CHMP4C: variants seen among roughly 807,000 people sequenced by gnomAD.
CHMP4C encodes the protein SNF7 homolog associated with Alix 3.
Under a neutral mutation model 29.0 loss-of-function variants are expected in CHMP4C, and 28 were observed. The ratio of observed to expected loss-of-function variants is 0.97; its 90% CI spans 0.72 to 1.32. The LOEUF (loss-of-function observed/expected upper bound fraction) is 1.32. CHMP4C is among the 40% of genes most tolerant of loss of function. CHMP4C has a pLI of 0.00. For missense variants in CHMP4C, 291 were observed against 281.0 expected (o/e 1.04, Z -0.25); for synonymous variants, 106 against 102.4 (o/e 1.04, Z -0.21).
rs1554592476 is a variant in CHMP4C at position 81,739,425 on chromosome 8, G to GT, written c.190+6609_190+6610insT. 1.0e-4 allele frequency among the ~76,000 whole-genome samples: 14 copies of GT among 140,270 alleles called. No homozygotes were observed. The South Asian group carries it at 3.4e-3, about 34-fold the overall frequency. The allele number at this position is 140,270 out of a possible 152,430, so 92.0% of individuals were successfully genotyped here. A position where few individuals can be genotyped will look rare whatever the true frequency, so the allele number is the denominator to read the frequency against. ...CTAAGGCCTGGGGGATTGTGGGGGG[G>GT]GGTGGAAAAAAAAAAAGTCTTATCC... On this transcript the variant is annotated intron_variant, in intron 1 of 4. Transcript: ENST00000297265.
intron 1 of CHMP4C, among the ~76,000 whole-genome samples, chr8:81,737,912 C>T (rs1472907898): frequency 6.6e-6 from 1 of 152,248 alleles, no homozygotes; most frequent in Admixed American, 6.5e-5. Context: ...TCTACTTCAT[C>T]TGTCCTCTGA....
intron 3 of CHMP4C, among the ~76,000 whole-genome samples, chr8:81,756,717 A>G (rs1185438648): frequency 1.3e-5 from 2 of 152,186 alleles, no homozygotes; most frequent in Non-Finnish European, 2.9e-5. Context: ...TAAAGAAAAC[A>G]TTAATATGTT....
intron 3 of CHMP4C, among the ~76,000 whole-genome samples, chr8:81,755,839 G>A (rs17633897): frequency 0.076 from 11,540 of 152,188 alleles, 556 homozygotes; most frequent in South Asian, 0.13. Flanking sequence ...TGAAACAGAC[G>A]TATCATGCTC....
intron 1 of CHMP4C, among the ~76,000 whole-genome samples, chr8:81,745,492 C>T (rs1287493763): frequency 6.6e-6 from 1 of 152,174 alleles, no homozygotes; most frequent in African/African-American, 2.4e-5. Context: ...CCAAAATGTC[C>T]TATACATTAC....
At chr8:81,738,293 A>G (rs934588618) in intron 1 of CHMP4C, among the ~76,000 whole-genome samples, 2 of 152,170 alleles carry the variant, frequency 1.3e-5, no homozygotes, top group African/African-American at 4.8e-5. Context: ...CCCCTACTCA[A>G]TATCATTACA....
At chr8:81,743,937 C>T (rs1808793636) in intron 1 of CHMP4C, among the ~76,000 whole-genome samples, 1 of 152,198 alleles carries the variant, frequency 6.6e-6, no homozygotes, top group Non-Finnish European at 1.5e-5. Flanking sequence ...TAATCAATCA[C>T]CTTGTTTAAA....
chr8:81,736,085 CAATAAATAAATA>C (rs55869119), intron 1 of CHMP4C, among the ~76,000 whole-genome samples: 63,120 of 135,558 alleles, frequency 0.47, 15,274 homozygotes, highest in South Asian at 0.56. Flanking sequence ...GACTATGTCT[CAATAAATAAATA>C]AATAAATAAA....
chr8:81,752,695 T>C (rs1808918144), intron 1 of CHMP4C, among the ~76,000 whole-genome samples: 1 of 152,136 alleles, frequency 6.6e-6, no homozygotes, highest in African/African-American at 2.4e-5. Context: ...GCCATTAAGG[T>C]CTTTACGTTC....
rs148248090 is a variant in CHMP4C, at chr8:81,751,880, T to C, written c.191-1184T>C. On this transcript the variant is annotated intron_variant, in intron 1 of 4. Transcript: ENST00000297265. ...AAAATAGAATAAAACAATGTTGAAA[T>C]AGTGGTCTATGTAAAAATTTTTAGA... Among the ~76,000 whole-genome samples the C allele has an allele frequency of 7.2e-5, 11 of 152,176 alleles. No homozygotes were observed. In the East Asian group the frequency reaches 1.7e-3, roughly 24 times the overall value.
Position 81,755,453 on chromosome 8 carries a change from A to T in CHMP4C, c.452A>T (p.Gln151Leu). Residue 151 changes from glutamine to leucine, a missense_variant, in exon 3 of 5, where the codon CAA (glutamine) becomes CTA (leucine). Physicochemically the swap from Gln to Leu is moderately radical, Grantham distance 113. Coordinates refer to ENST00000297265, the MANE Select transcript of CHMP4C (RefSeq NM_152284.4). ...CAAGAAATCTCAGAAGCATTTTCTC[A>T]ACGGGTTGGCTTTGGTGATGACTTT... ...IAQEISEAFSQRVGFGDDFDE... is the reference protein window; with the variant it reads ...IAQEISEAFSLRVGFGDDFDE... 6.2e-7 allele frequency: 1 copy of T among 1,609,776 alleles called. No homozygotes were observed. The highest frequency in any genetic ancestry group is 8.5e-7 in the Non-Finnish European group (1 of 1,176,436).
chr8:81,734,469 TACAGGC>T (rs551986448), intron 1 of CHMP4C, among the ~76,000 whole-genome samples: 6,619 of 152,244 alleles, frequency 0.043, 162 homozygotes, highest in South Asian at 0.084. Flanking sequence ...TCGCTGGGAT[TACAGGC>T]ATGTGCCACC....
chr8:81,752,738 T>C (rs767893862), intron 1 of CHMP4C, among the ~76,000 whole-genome samples: 3 of 152,202 alleles, frequency 2.0e-5, no homozygotes, highest in African/African-American at 4.8e-5. Flanking sequence ...GTATGATTTT[T>C]ACTCATATTT....
At chr8:81,740,536 C>T (rs894310689) in intron 1 of CHMP4C, among the ~76,000 whole-genome samples, 3 of 152,140 alleles carry the variant, frequency 2.0e-5, no homozygotes, top group African/African-American at 7.2e-5. Flanking sequence ...TTTGGGAACC[C>T]CCGGAGCTAA....
chr8:81,744,703 G>A (rs1398700091), intron 1 of CHMP4C, among the ~76,000 whole-genome samples: 1 of 152,150 alleles, frequency 6.6e-6, no homozygotes, highest in East Asian at 1.9e-4. Flanking sequence ...CCTAGGAACT[G>A]TGCCTATAGC....
intron 1 of CHMP4C, among the ~76,000 whole-genome samples, chr8:81,745,631 T>C (rs1048676424): frequency 1.3e-5 from 2 of 152,202 alleles, no homozygotes; most frequent in Non-Finnish European, 2.9e-5. Context: ...AAATGGATAA[T>C]TTTTGCATTT....
In CHMP4C at chr8:81,759,167, A is replaced by G. The variant is rs1809012238; in HGVS notation, c.*623A>G. 6.6e-6 allele frequency: 1 copy of G among 152,610 alleles called. No individual in the cohort carries two copies. Among genetic ancestry groups the G allele is most frequent in the South Asian group, 2.1e-4 (1 of 4,822 alleles). 9.5% of individuals were successfully genotyped at this position (152,610 alleles called of 1,614,324 possible). On this transcript the variant is annotated 3_prime_UTR_variant, in exon 5 of 5. Coordinates refer to ENST00000297265, the MANE Select transcript of CHMP4C (RefSeq NM_152284.4). ...AGAGGAGTCTTATATGAGTCTCTAC[A>G]TAAGTAGTTTCACTTGAGTTTTGCA...
chr8:81,747,482 T>C (rs1406413623), intron 1 of CHMP4C, among the ~76,000 whole-genome samples: 1 of 152,058 alleles, frequency 6.6e-6, no homozygotes, highest in Non-Finnish European at 1.5e-5. Flanking sequence ...TGGGTGGGGA[T>C]GTATATTTAG....
chr8:81,734,679 G>A (rs1272673476), intron 1 of CHMP4C, among the ~76,000 whole-genome samples: 1 of 152,038 alleles, frequency 6.6e-6, no homozygotes, highest in Non-Finnish European at 1.5e-5. Flanking sequence ...TCTAGGAAGT[G>A]GTAAAAATGT....
intron 1 of CHMP4C, among the ~76,000 whole-genome samples, chr8:81,751,890 T>C (rs913115187): frequency 1.3e-5 from 2 of 152,246 alleles, no homozygotes; most frequent in African/African-American, 4.8e-5. Flanking sequence ...TAGTGGTCTA[T>C]GTAAAAATTT....
Sources: allele counts gnomAD v4.1 joint callset (sites outside exome capture counted in the v4.1 genomes callset), GRCh38; gene constraint gnomAD v4.1.1; transcripts MANE v1.5; gene names NCBI Gene and HGNC (gene_info 2026-07-23, HGNC 2026-07-21).